RYR2: variants seen among roughly 807,000 people sequenced by gnomAD.
RYR2 encodes ryanodine receptor 2, also known as cardiac muscle ryanodine receptor-calcium release channel.
A neutral mutation model predicts 601.1 loss-of-function variants in RYR2; 227 were observed. The ratio of observed to expected loss-of-function variants is 0.38; its 90% confidence interval spans 0.34 to 0.42. RYR2 has a LOEUF of 0.42. Among genes scored for constraint, RYR2 ranks in the 10% least tolerant of loss-of-function variants. The pLI is 1.00. For missense variants in RYR2, 4,646 were observed against 6,156.5 expected (o/e 0.75, Z 8.21); for synonymous variants, 2,223 against 2,175.1 (o/e 1.02, Z -0.61).
In RYR2 at chr1:237,805,623, G is replaced by T. The variant is rs115559282; in HGVS notation, c.14152-514G>T. 1.9e-3 allele frequency among the ~76,000 whole-genome samples: 274 copies of T among 145,180 alleles called. 2 individuals are homozygous for T. The highest frequency in any genetic ancestry group is 6.7e-3 in the African/African-American group (264 of 39,288). ...AAAAAAAAGTATAGTGTACGAAGAT[G>T]AAGTAAATGGAGTAATTATAACAGA... On this transcript the variant is annotated intron_variant, in intron 98 of 104. Transcript: ENST00000366574.
chr1:237,383,547 A>G (rs948365870), intron 8 of RYR2, among the ~76,000 whole-genome samples: 1 of 146,320 alleles, frequency 6.8e-6, no homozygotes, highest in Non-Finnish European at 1.5e-5. Flanking sequence ...CTCCTGCCTC[A>G]GCCTCCTGAG....
chr1:237,436,454 C>CTATTTTTTTT (rs1707368171), intron 12 of RYR2, among the ~76,000 whole-genome samples: 1 of 48,728 alleles, frequency 2.1e-5, no homozygotes, highest in African/African-American at 9.9e-5. Context: ...TGTGATTTTC[C>CTATTTTTTTT]TTTTTTTTTT....
intron 1 of RYR2, among the ~76,000 whole-genome samples, chr1:237,194,623 T>G (rs1345645266): frequency 6.6e-6 from 1 of 152,148 alleles, no homozygotes; most frequent in Non-Finnish European, 1.5e-5. Context: ...CAATGTAGAC[T>G]CTGACCCTGA....
chr1:237,679,791 G>C (rs1243134215), intron 61 of RYR2, among the ~76,000 whole-genome samples: 1 of 152,182 alleles, frequency 6.6e-6, no homozygotes, highest in Non-Finnish European at 1.5e-5. Context: ...ACTGAGTTGA[G>C]ATCTACAGGA....
intron 98 of RYR2, among the ~76,000 whole-genome samples, chr1:237,803,459 C>T (rs956943906): frequency 3.3e-5 from 5 of 152,134 alleles, no homozygotes; most frequent in Non-Finnish European, 7.4e-5. Context: ...CGCCACCACG[C>T]CCGGCTAATT....
At position 237,705,356 on chromosome 1, in the gene RYR2, C is replaced by T; in HGVS notation, c.9580+13C>T. ...CGAGAAAGAGCAGGTAACACAGAAACATGTGCAGTGCTTTGAGATATGAAG... is the reference window on the plus strand; with the variant it reads ...CGAGAAAGAGCAGGTAACACAGAAATATGTGCAGTGCTTTGAGATATGAAG... On this transcript the variant is annotated intron_variant, in intron 67 of 104. Coordinates refer to ENST00000366574, the MANE Select transcript of RYR2 (RefSeq NM_001035.3). 6.3e-7 allele frequency: 1 copy of T among 1,596,950 alleles called. No individual in the cohort carries two copies. The highest frequency in any genetic ancestry group is 8.5e-7 in the Non-Finnish European group (1 of 1,169,684).
intron 2 of RYR2, among the ~76,000 whole-genome samples, chr1:237,310,096 G>A (rs984887146): frequency 1.8e-4 from 28 of 152,192 alleles, no homozygotes; most frequent in African/African-American, 6.8e-4. Flanking sequence ...CCTAAAGCAT[G>A]GCCAGAGTGG....
intron 1 of RYR2, among the ~76,000 whole-genome samples, chr1:237,225,941 G>C (rs1353536515): frequency 6.6e-6 from 1 of 152,022 alleles, no homozygotes; most frequent in Non-Finnish European, 1.5e-5. Context: ...TATAATCCTA[G>C]CTACTCAGGA....
intron 1 of RYR2, among the ~76,000 whole-genome samples, chr1:237,125,029 A>G (rs1259482614): frequency 1.3e-5 from 2 of 152,248 alleles, no homozygotes; most frequent in African/African-American, 4.8e-5. Context: ...GAAAACTGGT[A>G]GAAACTAATT....
chr1:237,569,609 T>C (rs1672454941), intron 29 of RYR2, among the ~76,000 whole-genome samples: 1 of 152,186 alleles, frequency 6.6e-6, no homozygotes, highest in Admixed American at 6.5e-5. Context: ...CATTGTTAAA[T>C]TTTCATTTAG....
chr1:237,369,659 GGGTACAT>G (rs1700487347), intron 6 of RYR2, 51 bp downstream of exon 6: 1 of 1,447,536 alleles, frequency 6.9e-7, no homozygotes, highest in African/African-American at 1.4e-5. Flanking sequence ...ATCCATTTGG[GGGTACAT>G]GGTCTGCAAA....
intron 28 of RYR2, 71 bp from the exon 29 acceptor site, chr1:237,569,074 G>A: frequency 7.0e-7 from 1 of 1,426,862 alleles, no homozygotes; most frequent in Non-Finnish European, 9.6e-7. Flanking sequence ...GTTAGGTCGT[G>A]ACAGAGTGGT....
intron 1 of RYR2, among the ~76,000 whole-genome samples, chr1:237,131,777 G>C (rs554479838): frequency 6.6e-6 from 1 of 152,008 alleles, no homozygotes; most frequent in East Asian, 1.9e-4. Flanking sequence ...CTGTAGTGCA[G>C]TGGCACGATC....
chr1:237,098,964 G>A (rs1203939980), intron 1 of RYR2, among the ~76,000 whole-genome samples: 1 of 152,114 alleles, frequency 6.6e-6, no homozygotes, highest in Admixed American at 6.6e-5. Context: ...CCTCTGAATC[G>A]CATATGATGT....
chr1:237,825,798 A>G, intron 101 of RYR2, among the ~76,000 whole-genome samples: 1 of 152,250 alleles, frequency 6.6e-6, no homozygotes, highest in East Asian at 1.9e-4. Context: ...CAGAATCTAC[A>G]AAGAACTTAA....
chr1:237,416,089 T>C (rs1368773183), intron 10 of RYR2, among the ~76,000 whole-genome samples: 1 of 152,100 alleles, frequency 6.6e-6, no homozygotes, highest in Non-Finnish European at 1.5e-5. Context: ...AATAGGAGTT[T>C]CCACAGTGTT....
At chr1:237,127,876 G>T (rs1277447957) in intron 1 of RYR2, among the ~76,000 whole-genome samples, 2 of 151,822 alleles carry the variant, frequency 1.3e-5, no homozygotes, top group Non-Finnish European at 2.9e-5. Flanking sequence ...TGGCGGCCGG[G>T]CGGAGACGCT....
chr1:237,809,495 G>T (rs1195286564), intron 100 of RYR2, among the ~76,000 whole-genome samples: 8 of 151,974 alleles, frequency 5.3e-5, no homozygotes, highest in African/African-American at 1.9e-4. Context: ...TTTGGTCTTG[G>T]TTTTCAAAAA....
intron 24 of RYR2, among the ~76,000 whole-genome samples, chr1:237,524,417 C>T (rs1224931302): frequency 6.6e-6 from 1 of 152,158 alleles, no homozygotes; most frequent in African/African-American, 2.4e-5. Context: ...GAAACGCCTG[C>T]AGCAGGCATG....
Sources: gnomAD v4.1 joint callset for allele counts (sites outside exome capture counted in the v4.1 genomes callset) on GRCh38, gnomAD v4.1.1 for gene constraint, MANE v1.5 for transcripts, NCBI Gene and HGNC (gene_info 2026-07-23, HGNC 2026-07-21) for gene names.